Variants in PTPRG observed in about 807,000 individuals in gnomAD.
PTPRG encodes receptor-type tyrosine-protein phosphatase gamma.
PTPRG carries 102 observed loss-of-function variants against 165.3 expected under a neutral mutation model. The ratio of observed to expected loss-of-function variants is 0.62; its 90% CI spans 0.53 to 0.73. The LOEUF is 0.73. Among genes scored for constraint, PTPRG ranks in the 30% least tolerant of loss-of-function variants. The pLI is 0.00. For synonymous variants in PTPRG, 675 were observed against 669.5 expected (o/e 1.01, Z -0.13); for missense variants, 1,866 against 1,861.4 (o/e 1.00, Z -0.05).
intron 4 of PTPRG, among the ~76,000 whole-genome samples, chr3:62,024,886 C>T (rs1376838252): frequency 6.6e-6 from 1 of 152,188 alleles, no homozygotes; most frequent in Non-Finnish European, 1.5e-5. Flanking sequence ...TCCAATTCAT[C>T]AGTATCAGAT....
intron 1 of PTPRG, among the ~76,000 whole-genome samples, chr3:61,698,060 C>T (rs2030713906): frequency 6.6e-6 from 1 of 152,122 alleles, no homozygotes; most frequent in Admixed American, 6.5e-5. Context: ...CATAAAAATA[C>T]ATAAGGTTAC....
chr3:61,618,171 T>C (rs1464902654), intron 1 of PTPRG, among the ~76,000 whole-genome samples: 3 of 152,232 alleles, frequency 2.0e-5, no homozygotes, highest in African/African-American at 7.2e-5. Flanking sequence ...GGATCAGCCA[T>C]GTGCTATGTG....
intron 2 of PTPRG, among the ~76,000 whole-genome samples, chr3:61,883,169 G>T (rs1184843888): frequency 1.3e-5 from 2 of 152,164 alleles, no homozygotes; most frequent in Non-Finnish European, 2.9e-5. Flanking sequence ...AATTATCATT[G>T]TAAAGGTTTA....
chr3:62,042,512 T>A (rs1282652490), intron 4 of PTPRG, among the ~76,000 whole-genome samples: 1 of 152,202 alleles, frequency 6.6e-6, no homozygotes, highest in Non-Finnish European at 1.5e-5. Flanking sequence ...TATCATGAAT[T>A]TTTAAGCATG....
intron 4 of PTPRG, among the ~76,000 whole-genome samples, chr3:62,049,023 A>G (rs1700384706): frequency 6.6e-6 from 1 of 152,230 alleles, no homozygotes; most frequent in Non-Finnish European, 1.5e-5. Flanking sequence ...GTCAGGAAAT[A>G]TAAAATAGAA....
intron 6 of PTPRG, among the ~76,000 whole-genome samples, chr3:62,134,218 G>A (rs1703624360): frequency 6.6e-6 from 1 of 152,258 alleles, no homozygotes; most frequent in East Asian, 1.9e-4. Flanking sequence ...CAAGATGCCC[G>A]GGGTGTGGTT....
chr3:62,229,523 A>T lies in PTPRG; in HGVS notation c.2289-1702A>T, dbSNP rs181043018. On this transcript the variant is annotated intron_variant, in intron 13 of 29. Coordinates refer to ENST00000474889, the MANE Select transcript of PTPRG (RefSeq NM_002841.4). This position sits in a 1 kb window ranked among gnomAD's most constrained non-coding sequence, Gnocchi z 4.6. ...GGTTGCCAGTTAAACATGCTCCATG[A>T]TACTTAAAAAGCTGGACTGATTCTG... 1.3e-5 allele frequency among the ~76,000 whole-genome samples: 2 copies of T among 152,340 alleles called. No individual in the cohort carries two copies. The highest frequency in any genetic ancestry group is 1.5e-5 in the Non-Finnish European group (1 of 68,030).
At chr3:62,132,124 T>C (rs1703538221) in intron 5 of PTPRG, among the ~76,000 whole-genome samples, 1 of 152,158 alleles carries the variant, frequency 6.6e-6, no homozygotes, top group Non-Finnish European at 1.5e-5. Context: ...ACTTTTAGAA[T>C]ATGTGCTTTT....
chr3:61,953,300 T>C (rs1299622240), intron 2 of PTPRG, among the ~76,000 whole-genome samples: 1 of 152,112 alleles, frequency 6.6e-6, no homozygotes, highest in African/African-American at 2.4e-5. Context: ...CAATGAAGAA[T>C]TGCTTGAAAG....
chr3:61,806,694 C>T (rs192322893), intron 2 of PTPRG, among the ~76,000 whole-genome samples: 48 of 152,128 alleles, frequency 3.2e-4, no homozygotes, highest in Admixed American at 2.6e-3. Flanking sequence ...AAATAGGCTC[C>T]GATGGGCCCA....
chr3:61,766,907 ATCG>A (rs2034036979), intron 2 of PTPRG, among the ~76,000 whole-genome samples: 1 of 151,312 alleles, frequency 6.6e-6, no homozygotes, highest in Non-Finnish European at 1.5e-5. Context: ...GGCATGAGCC[ATCG>A]CGCCCAGCCC....
At chr3:61,925,570 C>T (rs957929819) in intron 2 of PTPRG, among the ~76,000 whole-genome samples, 11 of 152,088 alleles carry the variant, frequency 7.2e-5, no homozygotes, top group Non-Finnish European at 1.6e-4. Flanking sequence ...ATGGTGAAAC[C>T]TCATCTCTAC....
intron 6 of PTPRG, among the ~76,000 whole-genome samples, chr3:62,154,212 C>T (rs1704451119): frequency 6.6e-6 from 1 of 152,172 alleles, no homozygotes; most frequent in South Asian, 2.1e-4. Context: ...GCCTCCAAAG[C>T]CACTGAACTA....
At chr3:61,816,858 C>T (rs1200294231) in intron 2 of PTPRG, among the ~76,000 whole-genome samples, 1 of 150,568 alleles carries the variant, frequency 6.6e-6, no homozygotes, top group Non-Finnish European at 1.5e-5. Context: ...AGAAAAGTTT[C>T]AGTTGAAAAT....
At chr3:61,906,518 T>G (rs1213909026) in intron 2 of PTPRG, among the ~76,000 whole-genome samples, 1 of 151,584 alleles carries the variant, frequency 6.6e-6, no homozygotes, top group Non-Finnish European at 1.5e-5. Flanking sequence ...ACCTGTAATC[T>G]CAGCACTTTG....
intron 2 of PTPRG, among the ~76,000 whole-genome samples, chr3:61,926,684 T>G (rs184436502): frequency 6.8e-6 from 1 of 146,140 alleles, no homozygotes; most frequent in East Asian, 2.2e-4. Context: ...AACAGATTAA[T>G]ATGGTAGCCC....
At chr3:61,748,744 A>C in intron 1 of PTPRG, 134 bp from the exon 2 acceptor site, 1 of 601,024 alleles carries the variant, frequency 1.7e-6, no homozygotes, top group Non-Finnish European at 2.9e-6. Flanking sequence ...TTTTTTTGTA[A>C]AATAAGTTGG....
chr3:61,618,750 A>G (rs1279044621), intron 1 of PTPRG, among the ~76,000 whole-genome samples: 1 of 152,166 alleles, frequency 6.6e-6, no homozygotes, highest in Non-Finnish European at 1.5e-5. Flanking sequence ...TGAACTTTCC[A>G]GAGACTTTCT....
intron 10 of PTPRG, among the ~76,000 whole-genome samples, chr3:62,199,748 C>T (rs1700055255): frequency 6.6e-6 from 1 of 152,134 alleles, no homozygotes; most frequent in South Asian, 2.1e-4. Context: ...TTATATAGCA[C>T]TTTTGTTTTT....
Sources: gnomAD v4.1 joint callset for allele counts (sites outside exome capture counted in the v4.1 genomes callset) on GRCh38, gnomAD v4.1.1 for gene constraint, Gnocchi (gnomAD v3.1) non-coding constraint, MANE v1.5 for transcripts, NCBI Gene and HGNC (gene_info 2026-07-23, HGNC 2026-07-21) for gene names.